The following GALNT18 variants were observed in gnomAD, a reference collection of about 807,000 sequenced individuals.
GALNT18 encodes polypeptide N-acetylgalactosaminyltransferase 18.
Under a neutral mutation model 69.5 loss-of-function variants are expected in GALNT18, and 44 were observed. The ratio of observed to expected loss-of-function variants is 0.63; its 90% CI spans 0.50 to 0.81. The LOEUF (loss-of-function observed/expected upper bound fraction) is 0.81, where lower values mean the gene tolerates loss of function less well. Ranked by LOEUF, GALNT18 falls within the 40% of genes least tolerant of loss-of-function variation. GALNT18 has a pLI of 0.00. For missense variants in GALNT18, 715 were observed against 810.0 expected (o/e 0.88, Z 1.42); for synonymous variants, 364 against 318.2 (o/e 1.14, Z -1.53).
chr11:11,539,144 C>T (rs761847813), intron 1 of GALNT18, among the ~76,000 whole-genome samples: 10 of 152,236 alleles, frequency 6.6e-5, no homozygotes, highest in Non-Finnish European at 1.3e-4. Context: ...TGAGGGCAAA[C>T]GCATCTGGGG....
At chr11:11,577,772 C>T (rs1052182180) in intron 1 of GALNT18, among the ~76,000 whole-genome samples, 4 of 152,132 alleles carry the variant, frequency 2.6e-5, no homozygotes, top group African/African-American at 9.7e-5. Flanking sequence ...GAGAGAGCAT[C>T]TTCATTAGGA....
At chr11:11,419,596 C>CAAAAAAAAAAAAAAAA (rs58012512) in intron 3 of GALNT18, among the ~76,000 whole-genome samples, 14 of 26,614 alleles carry the variant, frequency 5.3e-4, no homozygotes, top group African/African-American at 1.3e-3. Flanking sequence ...GATCCTGTCT[C>CAAAAAAAAAAAAAAAA]AAAAAAAAAA....
At chr11:11,425,117 C>T (rs926659221) in intron 3 of GALNT18, among the ~76,000 whole-genome samples, 14 of 152,222 alleles carry the variant, frequency 9.2e-5, no homozygotes, top group African/African-American at 3.1e-4. Context: ...AATTGGCTGA[C>T]CTTGGGTTCT....
intron 6 of GALNT18, among the ~76,000 whole-genome samples, chr11:11,364,951 A>G (rs1285643299): frequency 6.6e-6 from 1 of 151,064 alleles, no homozygotes; most frequent in African/African-American, 2.5e-5. Context: ...GATTTATTTT[A>G]CTATCTCACT....
rs1165382182 is a variant in GALNT18, at chr11:11,562,707, C to T, written c.235+58652G>A. 2.6e-5 allele frequency among the ~76,000 whole-genome samples: 4 copies of T among 152,152 alleles called. No homozygotes were observed. The highest frequency in any genetic ancestry group is 9.7e-5 in the African/African-American group (4 of 41,450). On this transcript the variant is annotated intron_variant, in intron 1 of 10. Transcript: ENST00000227756. This position sits in a 1 kb window ranked among gnomAD's most constrained non-coding sequence, Gnocchi z 4.1. Reference sequence around the variant, plus strand: ...CAAAGTATTACATATTATGAAATTCCGTAGGGAGAAAGGCTCAACCACGCA... The same window carrying T: ...CAAAGTATTACATATTATGAAATTCTGTAGGGAGAAAGGCTCAACCACGCA...
At position 11,279,362 on chromosome 11, in the gene GALNT18, T is replaced by A. The variant is rs186097659; in HGVS notation, c.1678-8072A>T. The stretch of plus-strand genomic sequence containing the variant: ...TTTAAGACTAAAAAAAAACTTCAGT[T>A]CTTACAACTGTTGAAATGGGCAGTA... On this transcript the variant is annotated intron_variant, in intron 10 of 10. Transcript: ENST00000227756. 1.3e-3 allele frequency among the ~76,000 whole-genome samples: 198 copies of A among 152,320 alleles called. 2 individuals are homozygous for A. The highest frequency in any genetic ancestry group is 4.4e-3 in the African/African-American group (182 of 41,580).
intron 1 of GALNT18, among the ~76,000 whole-genome samples, chr11:11,474,264 G>A (rs1178635284): frequency 6.6e-6 from 1 of 152,172 alleles, no homozygotes; most frequent in Non-Finnish European, 1.5e-5. Context: ...AAATGAGCCA[G>A]CCATAGAACT....
In GALNT18 at chr11:11,271,284, G is replaced by A. The variant is rs769476282; in HGVS notation, c.1684C>T (p.Pro562Ser). The change falls in exon 11 of 11, where the codon CCC becomes TCC. Residue 562 changes from proline (P) to serine (S), a missense_variant. Transcript: ENST00000227756. The part of the protein sequence containing the change: ...KLHWQFSQGG[P>S]IQNRKSKRCL... ...CGCTTAGACTTGCGGTTCTGGATGG[G>A]TCCTCCCTAGGGGCCAGGGCAGACA... 5 of 1,613,728 alleles carry A rather than the reference G, an allele frequency of 3.1e-6. No homozygotes were observed. The African/African-American group carries it at 6.7e-5, about 22-fold the overall frequency.
Position 11,447,996 on chromosome 11 carries a change from C to T in GALNT18, c.428+748G>A, listed in dbSNP as rs529508541. Among the ~76,000 whole-genome samples, 4 of 152,298 alleles carry T rather than the reference C, an allele frequency of 2.6e-5. No homozygotes were observed. In the South Asian group the frequency reaches 8.3e-4, roughly 32 times the overall value. ...TCATCCTAGCCGAGCCAGGTTCTCC[C>T]TGAGCCACAAATAACCATACCCAAT... On this transcript the variant is annotated intron_variant, in intron 2 of 10. Coordinates refer to ENST00000227756, the MANE Select transcript of GALNT18 (RefSeq NM_198516.3).
At chr11:11,501,638 A>G (rs1288526281) in intron 1 of GALNT18, among the ~76,000 whole-genome samples, 2 of 152,270 alleles carry the variant, frequency 1.3e-5, no homozygotes, top group East Asian at 1.9e-4. Flanking sequence ...GCCTGTTTCT[A>G]CCTTGCCTGA....
chr11:11,295,200 G>A (rs756960232), intron 9 of GALNT18, among the ~76,000 whole-genome samples: 2 of 152,120 alleles, frequency 1.3e-5, no homozygotes, highest in East Asian at 1.9e-4. Flanking sequence ...CTCTTGGGAG[G>A]GGGTGAAGGG....
At chr11:11,308,481 G>A (rs907804367) in intron 9 of GALNT18, among the ~76,000 whole-genome samples, 5 of 151,988 alleles carry the variant, frequency 3.3e-5, no homozygotes, top group African/African-American at 1.2e-4. Flanking sequence ...GCCTTCTGAA[G>A]CCTCTTATCA....
intron 1 of GALNT18, among the ~76,000 whole-genome samples, chr11:11,506,389 G>T (rs1857070464): frequency 6.6e-6 from 1 of 152,136 alleles, no homozygotes; most frequent in African/African-American, 2.4e-5. Context: ...GGATAGTCAG[G>T]CAAGGATGTC....
At chr11:11,334,535 TC>T (rs1850077055) in intron 7 of GALNT18, among the ~76,000 whole-genome samples, 1 of 135,724 alleles carries the variant, frequency 7.4e-6, no homozygotes, top group Non-Finnish European at 1.7e-5. Context: ...AGAGCAAGAC[TC>T]CGTCTCCAAA....
chr11:11,521,329 C>T (rs1031815437), intron 1 of GALNT18, among the ~76,000 whole-genome samples: 3 of 152,102 alleles, frequency 2.0e-5, no homozygotes, highest in African/African-American at 4.8e-5. Flanking sequence ...GAAAGTCTGT[C>T]GGGAGCTCTG....
At chr11:11,302,054 C>A (rs201409312) in intron 9 of GALNT18, among the ~76,000 whole-genome samples, 2 of 152,176 alleles carry the variant, frequency 1.3e-5, no homozygotes, top group Non-Finnish European at 2.9e-5. Flanking sequence ...AGGAAACAGG[C>A]AAACACAAGC....
At chr11:11,290,929 C>T (rs1457632563) in intron 10 of GALNT18, among the ~76,000 whole-genome samples, 2 of 152,174 alleles carry the variant, frequency 1.3e-5, no homozygotes, top group Non-Finnish European at 2.9e-5. Flanking sequence ...CCGGAATATG[C>T]ACTCAGGACC....
rs1221540149 is a variant in GALNT18 at position 11,415,955 on chromosome 11, A to G, written c.595+16666T>C. Among the ~76,000 whole-genome samples the G allele has an allele frequency of 6.6e-6, 1 of 152,234 alleles. No homozygotes were observed. Among genetic ancestry groups the G allele is most frequent in the Non-Finnish European group, 1.5e-5 (1 of 68,042 alleles). ...CCAGAAAGATTAAACAGCAACCTTG[A>G]ATGTTCTTTTCGGAGAAAATAAAAT... On this transcript the variant is annotated intron_variant, in intron 3 of 10. Coordinates refer to ENST00000227756, the MANE Select transcript of GALNT18 (RefSeq NM_198516.3). The surrounding 1 kb of genome is among the most constrained non-coding windows in gnomAD (Gnocchi z 4.1).
At chr11:11,519,402 G>A (rs959546892) in intron 1 of GALNT18, among the ~76,000 whole-genome samples, 2 of 152,140 alleles carry the variant, frequency 1.3e-5, no homozygotes, top group Non-Finnish European at 2.9e-5. Context: ...CATTGTTCAC[G>A]GAAGAGCACA....
Sources: allele counts gnomAD v4.1 joint callset (sites outside exome capture counted in the v4.1 genomes callset), GRCh38; gene constraint gnomAD v4.1.1; non-coding constraint Gnocchi (gnomAD v3.1); transcripts MANE v1.5; gene names NCBI Gene and HGNC (gene_info 2026-07-23, HGNC 2026-07-21).